Variants in SELENOT observed in about 807,000 individuals in gnomAD.
SELENOT encodes selenoprotein T, also known as thioredoxin reductase-like selenoprotein T.
A neutral mutation model predicts 24.3 loss-of-function variants in SELENOT; 9 were observed. The ratio of observed to expected loss-of-function variants is 0.37; its 90% CI spans 0.22 to 0.65. SELENOT has a LOEUF of 0.65. Among genes scored for constraint, SELENOT ranks in the 30% least tolerant of loss-of-function variants. SELENOT has a pLI of 0.60. For synonymous variants in SELENOT, 81 were observed against 86.0 expected, an observed-to-expected ratio of 0.94 and a Z score of 0.32; for missense variants, 166 against 247.6, an observed-to-expected ratio of 0.67 and a Z score of 2.21.
At chr3:150,616,107 C>T (rs1726207077) in intron 1 of SELENOT, among the ~76,000 whole-genome samples, 3 of 148,794 alleles carry the variant, frequency 2.0e-5, no homozygotes, top group African/African-American at 4.9e-5. Context: ...GGAAAGGATT[C>T]CCTATTTAAT....
At chr3:150,606,277 G>C (rs1406555891) in intron 1 of SELENOT, among the ~76,000 whole-genome samples, 1 of 151,748 alleles carries the variant, frequency 6.6e-6, no homozygotes, top group Admixed American at 6.6e-5. Flanking sequence ...CAAGTAGCTG[G>C]GACTGCAGAC....
At chr3:150,612,974 A>G (rs1328760327) in intron 1 of SELENOT, among the ~76,000 whole-genome samples, 1 of 152,204 alleles carries the variant, frequency 6.6e-6, no homozygotes, top group Non-Finnish European at 1.5e-5. Flanking sequence ...CTATTTTTCA[A>G]TATCTAAGTT....
intron 1 of SELENOT, among the ~76,000 whole-genome samples, chr3:150,608,577 G>A (rs1344630827): frequency 6.6e-6 from 1 of 152,090 alleles, no homozygotes; most frequent in East Asian, 1.9e-4. Context: ...AGACCAGCCT[G>A]GGCAACATAG....
At position 150,627,181 on chromosome 3, in the gene SELENOT, T is replaced by C. The variant is rs1322040995; in HGVS notation, c.*29+18T>C. 1.3e-6 allele frequency: 2 copies of C among 1,574,526 alleles called. No individual in the cohort carries two copies. The highest frequency in any genetic ancestry group is 1.2e-5 in the South Asian group (1 of 85,684). ...ACTCTTTTGTAAGTTGTTTAAAATA[T>C]AGCTAATGTATAGGTTTCTGTTGAT... On this transcript the variant is annotated intron_variant, in intron 5 of 5. Transcript: ENST00000471696.
chr3:150,604,044 G>A (rs1397195083), intron 1 of SELENOT, among the ~76,000 whole-genome samples: 2 of 152,212 alleles, frequency 1.3e-5, no homozygotes, highest in African/African-American at 4.8e-5. Flanking sequence ...TTGAGTTTGC[G>A]AATGGGGCGT....
In SELENOT at chr3:150,629,565, G is replaced by A. The variant is rs1224653237; in HGVS notation, c.*1936G>A. 1 of 152,624 alleles carries A rather than the reference G, an allele frequency of 6.6e-6. No individual in the cohort carries two copies. The highest frequency in any genetic ancestry group is 1.9e-4 in the East Asian group (1 of 5,188). 9.5% of individuals were successfully genotyped at this position (152,624 alleles called of 1,614,324 possible). ...CAAAACTTGAGCCTTGGATGTTCCT[G>A]TGGACCTGACAGTTAAAAATATAAA... is the stretch of plus-strand genomic sequence containing the variant. On this transcript the variant is annotated 3_prime_UTR_variant, in exon 6 of 6. Coordinates refer to ENST00000471696, the MANE Select transcript of SELENOT (RefSeq NM_016275.5).
In SELENOT at chr3:150,623,052, A is replaced by G; in HGVS notation, c.258A>G (p.Ala86=). The part of the protein sequence containing the change: ...YLPQPIYRHI[A]SFLSVFKLVL... Reference sequence around the variant, plus strand: ...TCTTTTCTTTTGATAGACACATAGCATCTTTCCTGTCAGTCTTCAAACTAG... The same window carrying G: ...TCTTTTCTTTTGATAGACACATAGCGTCTTTCCTGTCAGTCTTCAAACTAG... The change falls in exon 3 of 6, where the codon GCA becomes GCG. Residue 86 remains alanine, a synonymous_variant. Transcript: ENST00000471696. The G allele has an allele frequency of 6.4e-7, 1 of 1,562,028 alleles. No individual in the cohort carries two copies. The highest frequency in any genetic ancestry group is 8.6e-7 in the Non-Finnish European group (1 of 1,156,912).
Position 150,623,064 on chromosome 3 carries a change from A to G in SELENOT, c.270A>G (p.Ser90=), listed in dbSNP as rs770941378. 4 of 1,571,270 alleles carry G rather than the reference A, an allele frequency of 2.5e-6. No homozygotes were observed. The South Asian group carries it at 4.9e-5, about 19-fold the overall frequency. The change falls in exon 3 of 6, where the codon TCA becomes TCG. Residue 90 remains serine, a synonymous_variant. Coordinates refer to ENST00000471696, the MANE Select transcript of SELENOT (RefSeq NM_016275.5). ...PIYRHIASFL[S]VFKLVLIGLI... is the part of the protein sequence containing the mutation. The stretch of plus-strand genomic sequence containing the variant: ...ATAGACACATAGCATCTTTCCTGTC[A>G]GTCTTCAAACTAGTATTAATAGGCT...
intron 4 of SELENOT, 33 bp from the exon 5 acceptor site, chr3:150,626,976 AT>A (rs763816065): frequency 6.2e-7 from 1 of 1,600,834 alleles, no homozygotes; most frequent in Admixed American, 1.7e-5. Flanking sequence ...ATCATCTTTA[AT>A]TTTTTGGGGG....
Position 150,630,187 on chromosome 3 carries a change from A to G in SELENOT, c.*2558A>G, listed in dbSNP as rs1726527614. The stretch of plus-strand genomic sequence containing the variant: ...CCTTTACAGCTATCAAAATATAATG[A>G]GATCCCAATGATGATTCTTTTTTAC... On this transcript the variant is annotated 3_prime_UTR_variant, in exon 6 of 6. Coordinates refer to ENST00000471696, the MANE Select transcript of SELENOT (RefSeq NM_016275.5). 6.6e-6 allele frequency: 1 copy of G among 152,232 alleles called. No individual in the cohort carries two copies. Among genetic ancestry groups the G allele is most frequent in the Non-Finnish European group, 1.5e-5 (1 of 68,028 alleles). 9.4% of individuals were successfully genotyped at this position (152,232 alleles called of 1,614,324 possible). A position where few individuals can be genotyped will look rare whatever the true frequency, so the allele number is the denominator to read the frequency against.
chr3:150,604,110 T>C (rs1274312190), intron 1 of SELENOT, among the ~76,000 whole-genome samples: 1 of 152,170 alleles, frequency 6.6e-6, no homozygotes, highest in Non-Finnish European at 1.5e-5. Context: ...TGTTTGCCAT[T>C]TCCAAAGTGT....
chr3:150,603,386 A>G lies in SELENOT; in HGVS notation c.24A>G (p.Leu8=). The change falls in exon 1 of 6, where the codon CTA becomes CTG. Residue 8 remains leucine (L), a synonymous_variant. Transcript: ENST00000471696. MRLLLLL[L]VAASAMVRSE... ...AGATGAGGCTTCTGCTGCTTCTCCT[A>G]GTGGCGGCGTCTGCGATGGTCCGGA... 1.2e-6 allele frequency: 2 copies of G among 1,612,952 alleles called. No individual in the cohort carries two copies. The highest frequency in any genetic ancestry group is 1.7e-6 in the Non-Finnish European group (2 of 1,179,236).
At position 150,628,977 on chromosome 3, in the gene SELENOT, C is replaced by T. The variant is rs1288689417; in HGVS notation, c.*1348C>T. The T allele has an allele frequency of 6.6e-6, 1 of 152,022 alleles. No individual in the cohort carries two copies. Among genetic ancestry groups the T allele is most frequent in the Non-Finnish European group, 1.5e-5 (1 of 68,002 alleles). The allele number at this position is 152,022 out of a possible 1,614,324, so 9.4% of individuals were successfully genotyped here. On this transcript the variant is annotated 3_prime_UTR_variant, in exon 6 of 6. Coordinates refer to ENST00000471696, the MANE Select transcript of SELENOT (RefSeq NM_016275.5). ...TTTGGAATATTTGCATTATACTTAC[C>T]AGTTGGGCATCCCAAATCTGAAATC...
In SELENOT at chr3:150,622,703, G is replaced by A. The variant is rs138450764; in HGVS notation, c.248+208G>A. Reference sequence around the variant, plus strand: ...AAGGAAGAGGGTCGTTTCAGAGATGGCAACCCTTCTAAAGATGTGTTTTCA... The same window carrying A: ...AAGGAAGAGGGTCGTTTCAGAGATGACAACCCTTCTAAAGATGTGTTTTCA... On this transcript the variant is annotated intron_variant, in intron 2 of 5. Transcript: ENST00000471696. Among the ~76,000 whole-genome samples, 778 of 151,916 alleles carry A rather than the reference G, an allele frequency of 5.1e-3. 12 individuals are homozygous for A. The highest frequency in any genetic ancestry group is 0.018 in the African/African-American group (744 of 41,474).
At chr3:150,613,949 ACAGGAGAAAGCACATG>A (rs1206312285) in intron 1 of SELENOT, among the ~76,000 whole-genome samples, 69 of 135,262 alleles carry the variant, frequency 5.1e-4, no homozygotes, top group Middle Eastern at 3.8e-3. Flanking sequence ...CACCCTGGCC[ACAGGAGAAAGCACATG>A]CAGGAGAAAG....
At chr3:150,604,783 T>A (rs934752577) in intron 1 of SELENOT, among the ~76,000 whole-genome samples, 1 of 152,194 alleles carries the variant, frequency 6.6e-6, no homozygotes, top group Non-Finnish European at 1.5e-5. Context: ...ACGCCTGTAA[T>A]CCCAGCACTT....
At chr3:150,607,982 G>A (rs570901631) in intron 1 of SELENOT, among the ~76,000 whole-genome samples, 8 of 152,276 alleles carry the variant, frequency 5.3e-5, no homozygotes, top group African/African-American at 1.9e-4. Context: ...AAGTAAGGAG[G>A]TGGTAGAAAT....
Position 150,603,604 on chromosome 3 carries a change from G to T in SELENOT, c.137+105G>T, listed in dbSNP as rs2108001757. 7.5e-6 allele frequency: 10 copies of T among 1,325,786 alleles called. No homozygotes were observed. The South Asian group carries it at 1.4e-4, about 18-fold the overall frequency. 82.1% of individuals were successfully genotyped at this position (1,325,786 alleles called of 1,614,324 possible). ...GGCCTAAATGGCCGCATCTTCGCTG[G>T]CCTCGTAGAACTGTGCCGGCGCCCT... On this transcript the variant is annotated intron_variant, in intron 1 of 5. Coordinates refer to ENST00000471696, the MANE Select transcript of SELENOT (RefSeq NM_016275.5).
Position 150,619,527 on chromosome 3 carries a change from CTG to C in SELENOT, c.138-2856_138-2855del, listed in dbSNP as rs141675090. On this transcript the variant is annotated intron_variant, in intron 1 of 5. Transcript: ENST00000471696. ...CGCTAGCCTGGGCAACAGAGTGAGA[CTG>C]TCTCAAAAAAAAGAAAGATTTCTTT... Among the ~76,000 whole-genome samples the C allele has an allele frequency of 2.0e-3, 309 of 152,290 alleles. 1 individual carries two copies. The highest frequency in any genetic ancestry group is 7.3e-3 in the African/African-American group (302 of 41,566).
Sources: allele counts gnomAD v4.1 joint callset (sites outside exome capture counted in the v4.1 genomes callset), GRCh38; gene constraint gnomAD v4.1.1; transcripts MANE v1.5; gene names NCBI Gene and HGNC (gene_info 2026-07-23, HGNC 2026-07-21).